The following TRDN variants were observed in gnomAD, a reference collection of about 807,000 sequenced individuals.
TRDN encodes triadin.
In TRDN, 161 loss-of-function variants were observed where a neutral mutation model predicts 149.7. The observed-to-expected ratio is 1.08, with a 90% CI of 0.95 to 1.23. The LOEUF is 1.23. Among genes scored for constraint, TRDN ranks in the 50% most tolerant of loss-of-function variants. TRDN has a pLI of 0.00. For missense variants in TRDN, 896 were observed against 823.5 expected (o/e 1.09, Z -1.08); for synonymous variants, 294 against 250.5 (o/e 1.17, Z -1.64).
At chr6:123,458,143 G>T (rs910741604) in intron 10 of TRDN, among the ~76,000 whole-genome samples, 7 of 152,082 alleles carry the variant, frequency 4.6e-5, no homozygotes, top group Admixed American at 1.3e-4. Context: ...AATTTTCCTG[G>T]CCAGTCTTTG....
At chr6:123,247,031 G>A (rs1051955417) in intron 38 of TRDN, among the ~76,000 whole-genome samples, 28 of 152,218 alleles carry the variant, frequency 1.8e-4, no homozygotes, top group Middle Eastern at 3.4e-3. Context: ...ATGCGGAAAA[G>A]TCCTTTGATT....
At chr6:123,249,770 G>T (rs1274163487) in intron 38 of TRDN, among the ~76,000 whole-genome samples, 2 of 152,056 alleles carry the variant, frequency 1.3e-5, no homozygotes, top group African/African-American at 4.8e-5. Flanking sequence ...TAGACATGAT[G>T]ATTTCAAAAG....
chr6:123,348,743 TAAA>T (rs1165132733), intron 21 of TRDN, among the ~76,000 whole-genome samples: 1 of 152,058 alleles, frequency 6.6e-6, no homozygotes, highest in Non-Finnish European at 1.5e-5. Context: ...TATTAATCGA[TAAA>T]AAATGAAATT....
intron 6 of TRDN, among the ~76,000 whole-genome samples, chr6:123,515,407 A>T (rs6931183): frequency 0.84 from 126,918 of 151,768 alleles, 53,220 homozygotes; most frequent in East Asian, 0.88. Context: ...TCAGGAAAAA[A>T]TACAGTGGAA....
chr6:123,343,655 G>C (rs887579741), intron 21 of TRDN, among the ~76,000 whole-genome samples: 1 of 151,854 alleles, frequency 6.6e-6, no homozygotes, highest in South Asian at 2.1e-4. Context: ...ACTCGAGTTA[G>C]TGGTGCAGCA....
chr6:123,601,569 A>G (rs1784279874), intron 1 of TRDN, among the ~76,000 whole-genome samples: 1 of 152,112 alleles, frequency 6.6e-6, no homozygotes, highest in Non-Finnish European at 1.5e-5. Context: ...GCTAATTGGT[A>G]AAAGGAGTTC....
chr6:123,479,545 G>T (rs1205662339), intron 9 of TRDN, among the ~76,000 whole-genome samples: 1 of 152,246 alleles, frequency 6.6e-6, no homozygotes, highest in East Asian at 1.9e-4. Context: ...TTTAGCGCCA[G>T]CAGAGTTCAC....
intron 12 of TRDN, chr6:123,411,997 A>T (rs1254258449): frequency 2.0e-5 from 3 of 152,226 alleles, no homozygotes; most frequent in Non-Finnish European, 4.4e-5. Context: ...TTATGAGACC[A>T]GATAGTTAAA....
At chr6:123,635,032 A>T (rs916802360) in intron 1 of TRDN, among the ~76,000 whole-genome samples, 19 of 151,956 alleles carry the variant, frequency 1.3e-4, no homozygotes, top group African/African-American at 4.1e-4. Flanking sequence ...TCTACAAAAC[A>T]TAATCCACAA....
Position 123,552,043 on chromosome 6 carries a change from G to C in TRDN, c.233-3431C>G, listed in dbSNP as rs369187659. 2.0e-5 allele frequency among the ~76,000 whole-genome samples: 3 copies of C among 152,204 alleles called. No individual in the cohort carries two copies. The East Asian group carries it at 5.8e-4, about 29-fold the overall frequency. ...AAACTGGAAAAAAAAATGAGTCCACGATGACATTGCTAAGGCCTTGAAGTA... is the reference window on the plus strand; with the variant it reads ...AAACTGGAAAAAAAAATGAGTCCACCATGACATTGCTAAGGCCTTGAAGTA... On this transcript the variant is annotated intron_variant, in intron 2 of 40. Coordinates refer to ENST00000334268, the MANE Select transcript of TRDN (RefSeq NM_006073.4).
At chr6:123,571,239 A>G (rs1292072289) in intron 1 of TRDN, 107 bp from the exon 2 acceptor site, 1 of 1,168,076 alleles carries the variant, frequency 8.6e-7, no homozygotes, top group Non-Finnish European at 1.2e-6. Flanking sequence ...ACTGCTTTCT[A>G]GAGCAGCACA....
At chr6:123,379,622 T>A (rs1582942142) in intron 16 of TRDN, among the ~76,000 whole-genome samples, 1 of 152,254 alleles carries the variant, frequency 6.6e-6, no homozygotes, top group Middle Eastern at 3.4e-3. Context: ...AAAGTTAAAA[T>A]AAAGTCCCCT....
In TRDN at chr6:123,263,390, A is replaced by G. The variant is rs186343797; in HGVS notation, c.1804+1928T>C. ...TTGGTTCATGAAATTTAAGGAATGA[A>G]GCCACCTGCGTAACGTAAAAGTATA... On this transcript the variant is annotated intron_variant, in intron 33 of 40. Transcript: ENST00000334268. Among the ~76,000 whole-genome samples, 56 of 152,212 alleles carry G rather than the reference A, an allele frequency of 3.7e-4. No homozygotes were observed. The East Asian group carries it at 9.9e-3, about 27-fold the overall frequency.
chr6:123,547,431 AC>A (rs1781169462), intron 3 of TRDN, 59 bp from the exon 4 acceptor site: 1 of 973,234 alleles, frequency 1.0e-6, no homozygotes, highest in African/African-American at 1.7e-5. Context: ...GAATAATATG[AC>A]ATCATTATTT....
At chr6:123,224,165 G>C (rs760417337) in intron 38 of TRDN, 34 bp from the exon 39 acceptor site, 1 of 1,600,614 alleles carries the variant, frequency 6.2e-7, no homozygotes, top group African/African-American at 1.3e-5. Flanking sequence ...TAGAATCACA[G>C]TCAATTTTTC....
At chr6:123,577,446 G>A (rs1279494316) in intron 1 of TRDN, among the ~76,000 whole-genome samples, 1 of 152,018 alleles carries the variant, frequency 6.6e-6, no homozygotes, top group Non-Finnish European at 1.5e-5. Flanking sequence ...ATAGCCTGCA[G>A]CTCCATCCAT....
intron 1 of TRDN, among the ~76,000 whole-genome samples, chr6:123,619,388 G>A (rs1287646252): frequency 6.6e-6 from 1 of 152,106 alleles, no homozygotes; most frequent in African/African-American, 2.4e-5. Flanking sequence ...TTGGCTGGAA[G>A]CTTGGCTGGG....
At chr6:123,393,774 A>G in intron 12 of TRDN, 97 bp from the exon 13 acceptor site, 2 of 1,191,682 alleles carry the variant, frequency 1.7e-6, no homozygotes, top group South Asian at 2.9e-5. Flanking sequence ...AACGAGCATA[A>G]AAAGTGTTGC....
intron 1 of TRDN, among the ~76,000 whole-genome samples, chr6:123,586,302 C>T (rs137932424): frequency 0.056 from 8,449 of 151,946 alleles, 308 homozygotes; most frequent in African/African-American, 0.084. Flanking sequence ...GGTGGAGGAC[C>T]GGAGGCTGAG....
Sources: allele counts gnomAD v4.1 joint callset (sites outside exome capture counted in the v4.1 genomes callset), GRCh38; gene constraint gnomAD v4.1.1; transcripts MANE v1.5; gene names NCBI Gene and HGNC (gene_info 2026-07-23, HGNC 2026-07-21).